The following DCUN1D2 variants were observed in gnomAD, a reference collection of about 807,000 sequenced individuals.
The protein encoded by DCUN1D2 is DCN1-like protein 2.
DCUN1D2 carries 29 observed loss-of-function variants against 30.9 expected under a neutral mutation model. The ratio of observed to expected loss-of-function variants is 0.94; its 90% confidence interval spans 0.70 to 1.28. The LOEUF (loss-of-function observed/expected upper bound fraction) is 1.28, where lower values mean the gene tolerates loss of function less well. Ranked by LOEUF, DCUN1D2 falls within the 50% of genes most tolerant of loss-of-function variation. The pLI, the probability that DCUN1D2 is intolerant of heterozygous loss-of-function variation, is 0.00. For synonymous variants in DCUN1D2, 121 were observed against 115.3 expected (o/e 1.05, Z -0.32); for missense variants, 325 against 316.9 (o/e 1.03, Z -0.19).
At position 113,478,047 on chromosome 13, in the gene DCUN1D2, C is replaced by T. The variant is rs541582291; in HGVS notation, c.389+2528G>A. 2.6e-5 allele frequency among the ~76,000 whole-genome samples: 4 copies of T among 152,320 alleles called. No homozygotes were observed. The South Asian group carries it at 6.2e-4, about 24-fold the overall frequency. ...GTTCTTCCTTGGTTTTGTCATGCAG[C>T]TTTTGCTGGCCTTAAAAACAAATTG... On this transcript the variant is annotated intron_variant, in intron 3 of 6. Transcript: ENST00000478244.
At chr13:113,462,626 A>G in intron 4 of DCUN1D2, 1 of 429,024 alleles carries the variant, frequency 2.3e-6, no homozygotes, top group Non-Finnish European at 3.1e-6. Context: ...CCGTGTGCAA[A>G]GGCTTCATGA....
chr13:113,477,438 T>TG (rs2044636718), intron 3 of DCUN1D2, among the ~76,000 whole-genome samples: 1 of 152,228 alleles, frequency 6.6e-6, no homozygotes, highest in South Asian at 2.1e-4. Flanking sequence ...TTGTTGCACT[T>TG]GGTGTCCTGA....
chr13:113,462,271 A>G (rs2044330976), intron 4 of DCUN1D2, among the ~76,000 whole-genome samples: 1 of 151,040 alleles, frequency 6.6e-6, no homozygotes, highest in African/African-American at 2.4e-5. Context: ...AAAAAATTAA[A>G]TAAATAAATA....
intron 3 of DCUN1D2, among the ~76,000 whole-genome samples, chr13:113,477,977 T>G (rs1473993478): frequency 1.3e-5 from 2 of 152,230 alleles, no homozygotes; most frequent in Non-Finnish European, 2.9e-5. Context: ...ATGCATCTTC[T>G]GAGTCTTACA....
intron 4 of DCUN1D2, among the ~76,000 whole-genome samples, chr13:113,473,075 G>A (rs563948807): frequency 9.7e-4 from 117 of 120,946 alleles, no homozygotes; most frequent in African/African-American, 3.6e-3. Flanking sequence ...TCTGTCCCCC[G>A]TCTCTCTATC....
intron 5 of DCUN1D2, chr13:113,459,649 A>G (rs2044286681): frequency 1.2e-5 from 4 of 322,076 alleles, no homozygotes; most frequent in African/African-American, 4.2e-5. Flanking sequence ...ACAATTATAA[A>G]CTCCTGTTTT....
intron 1 of DCUN1D2, among the ~76,000 whole-genome samples, chr13:113,484,589 G>A (rs548746042): frequency 6.6e-5 from 10 of 151,912 alleles, no homozygotes; most frequent in South Asian, 2.1e-4. Flanking sequence ...TTCACAAGCA[G>A]GCACAAAAAA....
intron 3 of DCUN1D2, 137 bp from the exon 4 acceptor site, chr13:113,474,391 C>T (rs552619184): frequency 5.9e-5 from 70 of 1,185,796 alleles, no homozygotes; most frequent in African/African-American, 4.6e-4. Flanking sequence ...TTCCCAGGCG[C>T]GGCCTAAGGC....
chr13:113,479,637 C>T (rs979418826), intron 3 of DCUN1D2, among the ~76,000 whole-genome samples: 6 of 152,052 alleles, frequency 3.9e-5, no homozygotes, highest in Admixed American at 6.6e-5. Flanking sequence ...GCATGAGAAT[C>T]GCTTGAACTC....
rs970022974 is a variant in DCUN1D2, at chr13:113,456,609, A to G, written c.*1420T>C. The G allele has an allele frequency of 1.6e-5, 6 of 373,760 alleles. No homozygotes were observed. Among genetic ancestry groups the G allele is most frequent in the Non-Finnish European group, 2.8e-5 (6 of 210,836 alleles). The allele number at this position is 373,760 out of a possible 1,614,324, so 23.2% of individuals were successfully genotyped here. On this transcript the variant is annotated 3_prime_UTR_variant, in exon 7 of 7. Coordinates refer to ENST00000478244, the MANE Select transcript of DCUN1D2 (RefSeq NM_001014283.2). Reference sequence around the variant, plus strand: ...TCTCGGCACGTGAGGTAGGGTCAACAGTGATGTCCACAACTCAATACCAGC... The same window carrying G: ...TCTCGGCACGTGAGGTAGGGTCAACGGTGATGTCCACAACTCAATACCAGC...
chr13:113,482,934 T>A (rs190177714), intron 2 of DCUN1D2, among the ~76,000 whole-genome samples: 1 of 151,936 alleles, frequency 6.6e-6, no homozygotes, highest in Non-Finnish European at 1.5e-5. Context: ...AGAGCAAGAC[T>A]CCGTCACATA....
At chr13:113,467,981 T>G (rs1367825936) in intron 4 of DCUN1D2, among the ~76,000 whole-genome samples, 2 of 147,164 alleles carry the variant, frequency 1.4e-5, no homozygotes, top group Non-Finnish European at 3.0e-5. Flanking sequence ...GAGGCAGAGG[T>G]TGCAGTGAGC....
rs773629210 is a variant in DCUN1D2 at position 113,483,922 on chromosome 13, T to G, written c.138A>C (p.Gln46His). The G allele has an allele frequency of 6.2e-7, 1 of 1,614,084 alleles. No individual in the cohort carries two copies. The highest frequency in any genetic ancestry group is 1.7e-5 in the Admixed American group (1 of 60,028). Residue 46 changes from glutamine to histidine, a missense_variant, in exon 2 of 7, where the codon CAA becomes CAC. Physicochemically the swap from Gln to His is conservative, Grantham distance 24. Transcript: ENST00000478244. The stretch of plus-strand genomic sequence containing the variant: ...ACTCCCTGTGGAGCGAGTCTGGGTT[T>G]TGGAAGAAGCTGTCCGTGGCCTCGT... ...RLDEATDSFFQNPDSLHRESM... is the reference protein window; with the variant it reads ...RLDEATDSFFHNPDSLHRESM...
At chr13:113,472,801 C>T (rs570386364) in intron 4 of DCUN1D2, among the ~76,000 whole-genome samples, 4 of 152,330 alleles carry the variant, frequency 2.6e-5, no homozygotes, top group South Asian at 2.1e-4. Flanking sequence ...CAGCAGACAC[C>T]GCTACTGTCA....
rs750977189 is a variant in DCUN1D2 at position 113,459,424 on chromosome 13, A to C, written c.604-16T>G. 16 of 1,239,598 alleles carry C rather than the reference A, an allele frequency of 1.3e-5. No individual in the cohort carries two copies. The Admixed American group carries it at 2.3e-4, about 18-fold the overall frequency. The allele number at this position is 1,239,598 out of a possible 1,614,324, so 76.8% of individuals were successfully genotyped here. Reference sequence around the variant, plus strand: ...TGTGATGTTCCTAATATATGAGAGAAAAAAAAAACCCACCAGGTTTAAAAT... The same window carrying C: ...TGTGATGTTCCTAATATATGAGAGACAAAAAAAACCCACCAGGTTTAAAAT... On this transcript the variant is annotated splice_polypyrimidine_tract_variant and intron_variant, in intron 5 of 6. Coordinates refer to ENST00000478244, the MANE Select transcript of DCUN1D2 (RefSeq NM_001014283.2).
chr13:113,474,188 G>C lies in DCUN1D2; in HGVS notation c.456C>G (p.Ala152=). The C allele has an allele frequency of 6.2e-7, 1 of 1,614,104 alleles. No individual in the cohort carries two copies. The highest frequency in any genetic ancestry group is 8.5e-7 in the Non-Finnish European group (1 of 1,179,998). ...PRLEQELKDT[A]KFKDFYQFTF... is the part of the protein sequence containing the mutation. ...TAAACTGATAAAAATCTTTAAACTT[G>C]GCTGTGTCCTTCAGCTCCTGCTCCA... Residue 152 remains alanine (A), a synonymous_variant, in exon 4 of 7, where the codon GCC becomes GCG. Transcript: ENST00000478244.
chr13:113,484,938 T>G (rs1449171308), intron 1 of DCUN1D2, among the ~76,000 whole-genome samples: 2 of 151,888 alleles, frequency 1.3e-5, no homozygotes, highest in Admixed American at 1.3e-4. Flanking sequence ...ATTAGCTGGG[T>G]GTGGTGGCAT....
intron 4 of DCUN1D2, among the ~76,000 whole-genome samples, chr13:113,472,302 A>T (rs964735266): frequency 3.3e-5 from 5 of 152,138 alleles, no homozygotes; most frequent in Non-Finnish European, 7.3e-5. Context: ...TAAAAAAAAT[A>T]AAAAAATAAA....
In DCUN1D2 at chr13:113,474,495, C is replaced by T. The variant is rs529541274; in HGVS notation, c.390-241G>A. Among the ~76,000 whole-genome samples, 5 of 152,280 alleles carry T rather than the reference C, an allele frequency of 3.3e-5. No homozygotes were observed. In the East Asian group the frequency reaches 9.6e-4, roughly 29 times the overall value. ...TGAGACAGATACTGGTGGCAGCCGC[C>T]CAGCTCTGGGAATATACTAAAACCA... On this transcript the variant is annotated intron_variant, in intron 3 of 6. Transcript: ENST00000478244.
Sources: gnomAD v4.1 joint callset for allele counts (sites outside exome capture counted in the v4.1 genomes callset) on GRCh38, gnomAD v4.1.1 for gene constraint, MANE v1.5 for transcripts, NCBI Gene and HGNC (gene_info 2026-07-23, HGNC 2026-07-21) for gene names.